SCN2A: variants seen among roughly 807,000 people sequenced by gnomAD.
SCN2A encodes sodium voltage-gated channel alpha subunit 2, also known as sodium channel protein type 2 subunit alpha.
Under a neutral mutation model 188.7 loss-of-function variants are expected in SCN2A, and 20 were observed. The ratio of observed to expected loss-of-function variants is 0.11; its 90% CI spans 0.07 to 0.15. The LOEUF (loss-of-function observed/expected upper bound fraction) is 0.15, where lower values mean the gene tolerates loss of function less well. Among genes scored for constraint, SCN2A ranks in the 10% least tolerant of loss-of-function variants. The pLI is 1.00. For missense variants in SCN2A, 1,278 were observed against 2,445.0 expected, an observed-to-expected ratio of 0.52 and a Z score of 10.07; for synonymous variants, 804 against 833.1, an observed-to-expected ratio of 0.97 and a Z score of 0.60.
Position 165,389,320 on chromosome 2 carries a change from G to C in SCN2A, c.5514G>C (p.Gln1838His), listed in dbSNP as rs547095921. 3.7e-6 allele frequency: 6 copies of C among 1,614,066 alleles called. No homozygotes were observed. The Admixed American group carries it at 1.0e-4, about 27-fold the overall frequency. Residue 1838 changes from glutamine (Q) to histidine (H), a missense_variant, in exon 27 of 27, where the codon CAG becomes CAC. Physicochemically the swap from Gln to His is conservative, Grantham distance 24. Around this residue, in one of 17 missense-constraint regions of SCN2A, gnomAD observed 54 missense variants for 135.4 expected, o/e 0.40. Coordinates refer to ENST00000375437, the MANE Select transcript of SCN2A (RefSeq NM_001040142.2). This position sits in a 1 kb window ranked among gnomAD's most constrained non-coding sequence, Gnocchi z 4.2. ...PLLIAKPNKV[Q>H]LIAMDLPMVS... The stretch of plus-strand genomic sequence containing the variant: ...TCATAGCAAAACCCAACAAAGTCCA[G>C]CTCATTGCCATGGATCTGCCCATGG...
chr2:165,327,176 C>A, intron 13 of SCN2A, 192 bp downstream of exon 13: 2 of 623,710 alleles, frequency 3.2e-6, no homozygotes, highest in Non-Finnish European at 2.7e-6. Context: ...TTATATTTAG[C>A]CTCCAGAAAG....
chr2:165,291,942 A>C (rs1307550654), intron 1 of SCN2A, among the ~76,000 whole-genome samples: 1 of 151,986 alleles, frequency 6.6e-6, no homozygotes, highest in Non-Finnish European at 1.5e-5. Flanking sequence ...AGTGAGATGC[A>C]ATGAGTTTTT....
intron 25 of SCN2A, among the ~76,000 whole-genome samples, chr2:165,381,650 G>A (rs1701607419): frequency 6.6e-6 from 1 of 151,846 alleles, no homozygotes; most frequent in Admixed American, 6.6e-5. Context: ...ACAGGCCACA[G>A]GTTTTGCTTT....
At chr2:165,364,395 A>G (rs1454541127) in intron 17 of SCN2A, among the ~76,000 whole-genome samples, 1 of 152,186 alleles carries the variant, frequency 6.6e-6, no homozygotes, top group African/African-American at 2.4e-5. Context: ...AACTTCTATT[A>G]TATTTTTCTT....
chr2:165,377,499 A>T (rs1012612500), intron 22 of SCN2A, 98 bp from the exon 23 acceptor site: 8 of 1,066,934 alleles, frequency 7.5e-6, no homozygotes, highest in Non-Finnish European at 1.1e-5. Flanking sequence ...ATATGCCTGT[A>T]TTGAATACAT....
chr2:165,256,322 A>T (rs750421608), intron 1 of SCN2A, among the ~76,000 whole-genome samples: 2 of 152,146 alleles, frequency 1.3e-5, no homozygotes, highest in South Asian at 2.1e-4. Context: ...TTTAATGTAA[A>T]TACTATTCCA....
rs1702104470 is a variant in SCN2A, at chr2:165,391,091, T to C, written c.*1267T>C. On this transcript the variant is annotated 3_prime_UTR_variant, in exon 27 of 27. Transcript: ENST00000375437. The stretch of plus-strand genomic sequence containing the variant: ...AGTTTGAAGCTGTCACTGCTGCATG[T>C]TTATCTTGCCTATGCTGCTGTATCT... The C allele has an allele frequency of 6.6e-6, 1 of 152,568 alleles. No individual in the cohort carries two copies. The highest frequency in any genetic ancestry group is 6.6e-5 in the Admixed American group (1 of 15,250). The allele number at this position is 152,568 out of a possible 1,614,324, so 9.5% of individuals were successfully genotyped here. A position where few individuals can be genotyped will look rare whatever the true frequency, so the allele number is the denominator to read the frequency against.
intron 1 of SCN2A, chr2:165,285,297 A>G (rs1695780468): frequency 6.4e-6 from 1 of 155,840 alleles, no homozygotes; most frequent in African/African-American, 2.4e-5. Context: ...ATGACAACCT[A>G]ATTCTACGTG....
intron 8 of SCN2A, among the ~76,000 whole-genome samples, chr2:165,313,254 C>T (rs1697540902): frequency 6.6e-6 from 1 of 152,088 alleles, no homozygotes; most frequent in Admixed American, 6.5e-5. Flanking sequence ...ACCCTGTTCC[C>T]ACACTTACAC....
At chr2:165,250,940 AAAAT>A (rs1694062880) in intron 1 of SCN2A, among the ~76,000 whole-genome samples, 1 of 152,096 alleles carries the variant, frequency 6.6e-6, no homozygotes, top group African/African-American at 2.4e-5. Flanking sequence ...CTCAACCAAA[AAAAT>A]CTGCTTATTA....
chr2:165,372,770 T>C, intron 20 of SCN2A: 1 of 161,824 alleles, frequency 6.2e-6, no homozygotes, highest in East Asian at 1.7e-4. Context: ...TTCATGCTCA[T>C]ATTCACCAGT....
At chr2:165,318,370 C>T (rs1697880075) in intron 11 of SCN2A, among the ~76,000 whole-genome samples, 1 of 152,204 alleles carries the variant, frequency 6.6e-6, no homozygotes, top group Admixed American at 6.5e-5. Context: ...TTATAAGGTA[C>T]AATTGACCTT....
intron 1 of SCN2A, among the ~76,000 whole-genome samples, chr2:165,263,917 G>T (rs1241772579): frequency 6.6e-6 from 1 of 151,512 alleles, no homozygotes; most frequent in Non-Finnish European, 1.5e-5. Context: ...TGTAAAAGGG[G>T]TTGAGTTCTT....
intron 1 of SCN2A, chr2:165,271,971 G>A (rs538243572): frequency 9.9e-5 from 15 of 151,980 alleles, no homozygotes; most frequent in East Asian, 3.9e-4. Context: ...CTATTGATGA[G>A]CATTTGAGTT....
chr2:165,350,374 AAG>A (rs1436975478), intron 16 of SCN2A, among the ~76,000 whole-genome samples: 1 of 152,030 alleles, frequency 6.6e-6, no homozygotes. Flanking sequence ...AGACACAAGA[AAG>A]AGTTGATTTC....
intron 6 of SCN2A, 22 bp from the exon 7 acceptor site, chr2:165,310,301 C>T (rs781153923): frequency 6.2e-7 from 1 of 1,612,882 alleles, no homozygotes; most frequent in Non-Finnish European, 8.5e-7. Flanking sequence ...ATTTAAATTC[C>T]CCCTTCTGAT....
chr2:165,322,506 G>A (rs908407999), intron 11 of SCN2A, among the ~76,000 whole-genome samples: 2 of 152,166 alleles, frequency 1.3e-5, no homozygotes, highest in African/African-American at 4.8e-5. Flanking sequence ...ATTGCCCTCA[G>A]ATTTCTTGAG....
At chr2:165,295,646 G>C in intron 1 of SCN2A, 127 bp from the exon 2 acceptor site, 1 of 860,074 alleles carries the variant, frequency 1.2e-6, no homozygotes. Context: ...ACCAAATACA[G>C]CTTTCTTTGA....
chr2:165,384,583 A>T (rs1382090773), intron 25 of SCN2A, among the ~76,000 whole-genome samples: 1 of 152,104 alleles, frequency 6.6e-6, no homozygotes, highest in Non-Finnish European at 1.5e-5. Context: ...GATATTTTGA[A>T]CTTACTATAC....
Sources: gnomAD v4.1 joint callset for allele counts (sites outside exome capture counted in the v4.1 genomes callset) on GRCh38, gnomAD v4.1.1 for gene constraint, gnomAD v4.1.1 regional missense constraint, Gnocchi (gnomAD v3.1) non-coding constraint, MANE v1.5 for transcripts, NCBI Gene and HGNC (gene_info 2026-07-23, HGNC 2026-07-21) for gene names.